Variants in CLMP observed in about 807,000 individuals in gnomAD.
CLMP encodes CXADR like cell adhesion molecule, also known as CXADR-like membrane protein.
CLMP carries 27 observed loss-of-function variants against 45.2 expected under a neutral mutation model. The ratio of observed to expected loss-of-function variants is 0.60; its 90% confidence interval spans 0.44 to 0.82. The LOEUF is 0.82. Ranked by LOEUF, CLMP falls within the 40% of genes least tolerant of loss-of-function variation. The pLI, the probability that CLMP is intolerant of heterozygous loss-of-function variation, is 0.00. For synonymous variants in CLMP, 167 were observed against 171.4 expected, an observed-to-expected ratio of 0.97 and a Z score of 0.20; for missense variants, 403 against 448.4, an observed-to-expected ratio of 0.90 and a Z score of 0.91.
At chr11:123,115,844 A>G (rs920269170) in intron 1 of CLMP, among the ~76,000 whole-genome samples, 7 of 152,222 alleles carry the variant, frequency 4.6e-5, no homozygotes, top group Admixed American at 2.6e-4. Flanking sequence ...GCTCGAAACA[A>G]TAAACGTGTT....
intron 1 of CLMP, among the ~76,000 whole-genome samples, chr11:123,183,236 G>C (rs1041782450): frequency 6.6e-6 from 1 of 152,022 alleles, no homozygotes; most frequent in South Asian, 2.1e-4. Flanking sequence ...TTTTTTTGCT[G>C]TTGTTTGTTT....
Position 123,097,495 on chromosome 11 carries a change from A to G in CLMP, c.186+300T>C, listed in dbSNP as rs962538784. 5.3e-5 allele frequency among the ~76,000 whole-genome samples: 8 copies of G among 151,744 alleles called. No individual in the cohort carries two copies. In the South Asian group the frequency reaches 1.7e-3, roughly 32 times the overall value. ...TAGGTTTACAGGCATAGGCCACCAC[A>G]CCCGGCTATTATTAGTAGAGACAAG... is the stretch of plus-strand genomic sequence containing the variant. On this transcript the variant is annotated intron_variant, in intron 2 of 6. Transcript: ENST00000448775.
chr11:123,125,406 C>T (rs1307125298), intron 1 of CLMP, among the ~76,000 whole-genome samples: 1 of 151,734 alleles, frequency 6.6e-6, no homozygotes, highest in Non-Finnish European at 1.5e-5. Context: ...ACTCAAGGTT[C>T]TTCAGGATGT....
At chr11:123,129,511 T>A (rs1237342135) in intron 1 of CLMP, among the ~76,000 whole-genome samples, 1 of 141,618 alleles carries the variant, frequency 7.1e-6, no homozygotes, top group East Asian at 2.0e-4. Context: ...AAATTTCAAA[T>A]ATATTCTAAT....
intron 5 of CLMP, among the ~76,000 whole-genome samples, chr11:123,079,419 T>G (rs1249248918): frequency 6.6e-6 from 1 of 152,192 alleles, no homozygotes; most frequent in Non-Finnish European, 1.5e-5. Context: ...ATTTTTTATT[T>G]CTTTTCCTGA....
intron 1 of CLMP, among the ~76,000 whole-genome samples, chr11:123,108,140 A>G (rs1452087739): frequency 6.6e-6 from 1 of 152,052 alleles, no homozygotes. Context: ...CTTGTCACGA[A>G]CTAGTGAAGT....
intron 1 of CLMP, among the ~76,000 whole-genome samples, chr11:123,123,610 G>A (rs571775107): frequency 1.5e-4 from 23 of 152,152 alleles, no homozygotes; most frequent in Admixed American, 3.3e-4. Context: ...GAAGTGCGGC[G>A]TACACACAGG....
intron 1 of CLMP, among the ~76,000 whole-genome samples, chr11:123,125,031 G>A (rs1031617101): frequency 2.0e-5 from 3 of 152,012 alleles, no homozygotes. Flanking sequence ...TGAGTAGCTG[G>A]GACAATAGGT....
intron 5 of CLMP, 85 bp from the exon 6 acceptor site, chr11:123,074,928 C>T (rs1865718789): frequency 7.0e-7 from 1 of 1,418,630 alleles, no homozygotes; most frequent in Non-Finnish European, 9.6e-7. Flanking sequence ...AAGCTCTGGA[C>T]AGAATGAGTA....
chr11:123,184,539 G>A (rs1861808833), intron 1 of CLMP, among the ~76,000 whole-genome samples: 1 of 152,218 alleles, frequency 6.6e-6, no homozygotes, highest in Non-Finnish European at 1.5e-5. Flanking sequence ...AAAGAGGAAA[G>A]GAGAGGAAGA....
chr11:123,122,208 G>T (rs1049169955), intron 1 of CLMP, among the ~76,000 whole-genome samples: 76 of 152,210 alleles, frequency 5.0e-4, no homozygotes, highest in African/African-American at 1.7e-3. Context: ...TAGAGATAGG[G>T]TCTTGCTATG....
At chr11:123,088,674 G>A (rs1865892616) in intron 2 of CLMP, among the ~76,000 whole-genome samples, 1 of 152,122 alleles carries the variant, frequency 6.6e-6, no homozygotes, top group African/African-American at 2.4e-5. Flanking sequence ...TGCCCAGGCT[G>A]GAGTGCAGTG....
chr11:123,086,871 C>A (rs894422794), intron 2 of CLMP, among the ~76,000 whole-genome samples: 1 of 151,856 alleles, frequency 6.6e-6, no homozygotes, highest in Non-Finnish European at 1.5e-5. Context: ...CAGAGTGAGA[C>A]CCTGTCTCAA....
Position 123,084,542 on chromosome 11 carries a change from C to A in CLMP, c.358G>T (p.Val120Leu). The change falls in exon 3 of 7, where the codon GTG becomes TTG. Residue 120 changes from valine (V) to leucine (L), a missense_variant. Transcript: ENST00000448775. ...ACTTTTAAGATGACATGGCTCCACA[C>A]GTAGCGCCCTGAATTCTTAACCTTA... is the stretch of plus-strand genomic sequence containing the variant. ...TCKVKNSGRYVWSHVILKVLV... is the reference protein window; with the variant it reads ...TCKVKNSGRYLWSHVILKVLV... 1.2e-6 allele frequency: 2 copies of A among 1,614,134 alleles called. No homozygotes were observed. Among genetic ancestry groups the A allele is most frequent in the Non-Finnish European group, 1.7e-6 (2 of 1,179,998 alleles).
intron 1 of CLMP, among the ~76,000 whole-genome samples, chr11:123,116,333 G>A (rs776665120): frequency 3.9e-5 from 6 of 151,960 alleles, no homozygotes; most frequent in East Asian, 1.9e-4. Context: ...CTGGGATGCC[G>A]AGACAGGCGG....
At chr11:123,074,061 C>T (rs12226705) in intron 6 of CLMP, among the ~76,000 whole-genome samples, 3,157 of 152,248 alleles carry the variant, frequency 0.021, 104 homozygotes, top group East Asian at 0.17. Context: ...TCTGCATAAA[C>T]CCTTTCATGA....
At chr11:123,161,603 G>A (rs1861488121) in intron 1 of CLMP, among the ~76,000 whole-genome samples, 2 of 152,280 alleles carry the variant, frequency 1.3e-5, no homozygotes, top group South Asian at 4.1e-4. Context: ...TTGAGCCCGG[G>A]AAAGAAAGGT....
At chr11:123,121,100 C>T (rs374689610) in intron 1 of CLMP, among the ~76,000 whole-genome samples, 418 of 139,202 alleles carry the variant, frequency 3.0e-3, no homozygotes, top group African/African-American at 0.011. Context: ...GCACTCCAGC[C>T]TGGGCGACAG....
At chr11:123,125,767 C>G (rs1280507343) in intron 1 of CLMP, among the ~76,000 whole-genome samples, 1 of 151,546 alleles carries the variant, frequency 6.6e-6, no homozygotes, top group Non-Finnish European at 1.5e-5. Context: ...CCACGCCTGG[C>G]TAATTTTTTT....
Sources: allele counts gnomAD v4.1 joint callset (sites outside exome capture counted in the v4.1 genomes callset), GRCh38; gene constraint gnomAD v4.1.1; transcripts MANE v1.5; gene names NCBI Gene and HGNC (gene_info 2026-07-23, HGNC 2026-07-21).